Variants in MAST4 observed in about 807,000 individuals in gnomAD.
MAST4 encodes the protein microtubule-associated serine/threonine-protein kinase 4.
A neutral mutation model predicts 162.7 loss-of-function variants in MAST4; 89 were observed. That is an observed-to-expected ratio of 0.55 (90% CI 0.46 to 0.65). The LOEUF (loss-of-function observed/expected upper bound fraction) is 0.65, where lower values mean the gene tolerates loss of function less well. Ranked by LOEUF, MAST4 falls within the 30% of genes least tolerant of loss-of-function variation. MAST4 has a pLI of 0.00. For missense variants in MAST4, 3,153 were observed against 3,374.0 expected (o/e 0.93, Z 1.62); for synonymous variants, 1,479 against 1,361.1 (o/e 1.09, Z -1.91).
chr5:66,742,226 G>A (rs749459896), intron 1 of MAST4, among the ~76,000 whole-genome samples: 2 of 152,130 alleles, frequency 1.3e-5, no homozygotes, highest in East Asian at 1.9e-4. Context: ...AGTTGCTCTC[G>A]CGGTTCATCT....
At chr5:66,894,199 T>G (rs897691765) in intron 3 of MAST4, among the ~76,000 whole-genome samples, 7 of 152,212 alleles carry the variant, frequency 4.6e-5, no homozygotes, top group Admixed American at 2.0e-4. Context: ...CCAATAGTCC[T>G]TAGGGGGACT....
intron 4 of MAST4, among the ~76,000 whole-genome samples, chr5:66,976,121 C>T (rs1748114916): frequency 6.6e-6 from 1 of 152,214 alleles, no homozygotes; most frequent in African/African-American, 2.4e-5. Context: ...AGCTTTACCT[C>T]ATGGGATCAT....
intron 3 of MAST4, among the ~76,000 whole-genome samples, chr5:66,821,236 G>T (rs560368213): frequency 6.6e-6 from 1 of 152,186 alleles, no homozygotes; most frequent in Non-Finnish European, 1.5e-5. Flanking sequence ...GCAGACTGCC[G>T]CTTGTTTTAG....
intron 3 of MAST4, among the ~76,000 whole-genome samples, chr5:66,795,831 A>G (rs1319174078): frequency 6.6e-6 from 1 of 152,172 alleles, no homozygotes; most frequent in African/African-American, 2.4e-5. Flanking sequence ...GCATTATTCC[A>G]CAGCTCAGAA....
intron 1 of MAST4, among the ~76,000 whole-genome samples, chr5:66,719,269 A>G (rs1410336461): frequency 6.6e-6 from 1 of 152,264 alleles, no homozygotes; most frequent in East Asian, 1.9e-4. Context: ...AAGAAAAGAT[A>G]TAACTATTCT....
intron 3 of MAST4, among the ~76,000 whole-genome samples, chr5:66,865,788 A>C (rs1187265702): frequency 6.6e-6 from 1 of 152,138 alleles, no homozygotes; most frequent in Non-Finnish European, 1.5e-5. Flanking sequence ...AAAAATCTGG[A>C]AATAGGCCAG....
rs1234372702 is a variant in MAST4 at position 66,924,415 on chromosome 5, A to G, written c.674+24433A>G. On this transcript the variant is annotated intron_variant, in intron 4 of 28. Coordinates refer to ENST00000403625, the MANE Select transcript of MAST4 (RefSeq NM_001164664.2). ...AAAATAATTTTTTTTTTTTTTTGAG[A>G]TGGAGTCTGGCTCTGTCACCCAGGC... 5.4e-5 allele frequency among the ~76,000 whole-genome samples: 8 copies of G among 148,290 alleles called. 1 individual carries two copies. The highest frequency in any genetic ancestry group is 1.0e-4 in the Non-Finnish European group (7 of 67,302).
At chr5:66,788,867 G>A (rs1755250445) in intron 3 of MAST4, 73 bp downstream of exon 3, 9 of 1,440,512 alleles carry the variant, frequency 6.2e-6, no homozygotes, top group Non-Finnish European at 8.2e-6. Context: ...AGTTAATTGA[G>A]TTTAACTATA....
At chr5:67,118,661 C>CTT (rs538432602) in intron 12 of MAST4, 21 bp from the exon 13 acceptor site, 131 of 1,159,132 alleles carry the variant, frequency 1.1e-4, no homozygotes, top group South Asian at 2.5e-4. Context: ...TTAAGCTTAA[C>CTT]TTTTTTTTTT....
intron 1 of MAST4, among the ~76,000 whole-genome samples, chr5:66,603,776 T>C (rs567211639): frequency 6.6e-6 from 1 of 152,326 alleles, no homozygotes; most frequent in East Asian, 1.9e-4. Flanking sequence ...TGCAGTTCAC[T>C]TCTCTTCCAA....
chr5:66,683,137 G>C (rs1286093681), intron 1 of MAST4, among the ~76,000 whole-genome samples: 1 of 152,150 alleles, frequency 6.6e-6, no homozygotes, highest in Non-Finnish European at 1.5e-5. Flanking sequence ...CTATCTCACT[G>C]TGCCAAAGCA....
At chr5:67,051,875 C>T (rs1345004247) in intron 4 of MAST4, among the ~76,000 whole-genome samples, 1 of 152,074 alleles carries the variant, frequency 6.6e-6, no homozygotes, top group Non-Finnish European at 1.5e-5. Flanking sequence ...GGCTTTGCTA[C>T]TTTGGGATCA....
intron 1 of MAST4, among the ~76,000 whole-genome samples, chr5:66,730,393 A>C (rs1182203043): frequency 6.6e-6 from 1 of 151,954 alleles, no homozygotes; most frequent in Non-Finnish European, 1.5e-5. Flanking sequence ...AACCCCCTCT[A>C]CTGTTCAGGA....
intron 3 of MAST4, among the ~76,000 whole-genome samples, chr5:66,878,385 G>T (rs1761448124): frequency 6.6e-6 from 1 of 152,128 alleles, no homozygotes. Flanking sequence ...TGTGTTTTGG[G>T]GCTACTCTTA....
At chr5:67,093,928 G>C (rs930124303) in intron 6 of MAST4, among the ~76,000 whole-genome samples, 2 of 152,146 alleles carry the variant, frequency 1.3e-5, no homozygotes, top group African/African-American at 4.8e-5. Context: ...TTAATAAGTA[G>C]CCAAATAAAA....
intron 1 of MAST4, among the ~76,000 whole-genome samples, chr5:66,692,709 A>G (rs375082405): frequency 4.6e-5 from 7 of 152,162 alleles, no homozygotes; most frequent in South Asian, 2.1e-4. Flanking sequence ...CCGTTCTGCA[A>G]TCATCCCATT....
intron 3 of MAST4, among the ~76,000 whole-genome samples, chr5:66,899,016 C>T (rs1163945131): frequency 6.6e-6 from 1 of 152,162 alleles, no homozygotes; most frequent in Non-Finnish European, 1.5e-5. Context: ...AGTGCTCAAG[C>T]ACCTGAAAGG....
chr5:66,951,636 G>GTGTGTGTGTGTGTGTGTATGTA (rs1744713234), intron 4 of MAST4, among the ~76,000 whole-genome samples: 4 of 145,280 alleles, frequency 2.8e-5, no homozygotes, highest in Non-Finnish European at 4.5e-5. Flanking sequence ...GTGTGTGTGT[G>GTGTGTGTGTGTGTGTGTATGTA]TGTGTGTGTG....
intron 2 of MAST4, 96 bp downstream of exon 2, chr5:66,759,958 A>G: frequency 7.4e-7 from 1 of 1,358,030 alleles, no homozygotes; most frequent in Non-Finnish European, 1.0e-6. Flanking sequence ...TTTCTTAAGA[A>G]TGGGCCTGCC....
Sources: allele counts gnomAD v4.1 joint callset (sites outside exome capture counted in the v4.1 genomes callset), GRCh38; gene constraint gnomAD v4.1.1; transcripts MANE v1.5; gene names NCBI Gene and HGNC (gene_info 2026-07-23, HGNC 2026-07-21).